Variants in NUBPL observed in about 807,000 individuals in gnomAD.
NUBPL encodes NUBP iron-sulfur cluster assembly factor, mitochondrial, also known as iron-sulfur cluster transfer protein NUBPL.
In NUBPL, 31 loss-of-function variants were observed where a neutral mutation model predicts 45.7. The observed-to-expected ratio is 0.68, with a 90% CI of 0.51 to 0.92. The LOEUF (loss-of-function observed/expected upper bound fraction) is 0.92, where lower values mean the gene tolerates loss of function less well. Among genes scored for constraint, NUBPL ranks in the 40% least tolerant of loss-of-function variants. NUBPL has a pLI of 0.00. For synonymous variants in NUBPL, 144 were observed against 140.9 expected (o/e 1.02, Z -0.15); for missense variants, 401 against 398.7 (o/e 1.01, Z -0.05).
chr14:31,619,118 T>G (rs2034990763), intron 4 of NUBPL, among the ~76,000 whole-genome samples: 1 of 152,204 alleles, frequency 6.6e-6, no homozygotes, highest in Non-Finnish European at 1.5e-5. Context: ...ATGCTATTTT[T>G]TTGCTTTCCA....
intron 3 of NUBPL, chr14:31,577,929 A>G (rs2033758500): frequency 1.6e-6 from 2 of 1,283,372 alleles, no homozygotes; most frequent in Non-Finnish European, 2.0e-6. Context: ...TGTTTATCTC[A>G]TGCCATTAGA....
chr14:31,775,332 C>T (rs1361715946), intron 6 of NUBPL, among the ~76,000 whole-genome samples: 2 of 152,100 alleles, frequency 1.3e-5, no homozygotes, highest in Non-Finnish European at 2.9e-5. Flanking sequence ...GCAGGAGACT[C>T]GCTTCAACCT....
At chr14:31,685,490 G>A (rs1261993205) in intron 6 of NUBPL, among the ~76,000 whole-genome samples, 1 of 151,776 alleles carries the variant, frequency 6.6e-6, no homozygotes, top group Non-Finnish European at 1.5e-5. Context: ...AAGGAGGAGT[G>A]GTATATTAAA....
At chr14:31,686,038 G>A (rs1319079827) in intron 6 of NUBPL, among the ~76,000 whole-genome samples, 1 of 152,092 alleles carries the variant, frequency 6.6e-6, no homozygotes, top group Non-Finnish European at 1.5e-5. Flanking sequence ...CTTTTTAACT[G>A]CTTTCAGAGG....
intron 6 of NUBPL, among the ~76,000 whole-genome samples, chr14:31,734,616 C>G (rs941319938): frequency 6.6e-6 from 1 of 152,052 alleles, no homozygotes; most frequent in Non-Finnish European, 1.5e-5. Flanking sequence ...TAAGTTTCTT[C>G]TACTTTCTCA....
intron 8 of NUBPL, among the ~76,000 whole-genome samples, chr14:31,827,006 A>G (rs1313207712): frequency 6.6e-6 from 1 of 152,218 alleles, no homozygotes; most frequent in Admixed American, 6.5e-5. Flanking sequence ...AGAGTGTTTT[A>G]GGAAATTATT....
At chr14:31,584,071 G>A (rs1352349919) in intron 3 of NUBPL, among the ~76,000 whole-genome samples, 3 of 152,012 alleles carry the variant, frequency 2.0e-5, no homozygotes, top group Non-Finnish European at 4.4e-5. Context: ...AGCCTTTACC[G>A]TTTTACCTAC....
intron 3 of NUBPL, chr14:31,577,888 G>C: frequency 8.9e-7 from 1 of 1,123,842 alleles, no homozygotes; most frequent in South Asian, 1.4e-5. Context: ...GTGGTTTCAA[G>C]TAATGTCATT....
At position 31,832,965 on chromosome 14, in the gene NUBPL, T is replaced by A. The variant is rs113635877; in HGVS notation, c.693+6251T>A. ...AGCACTCAATGTTTACATAATGTTA[T>A]ATAATTAATTTTTTCTTGTAATTAC... On this transcript the variant is annotated intron_variant, in intron 8 of 10. Transcript: ENST00000281081. Among the ~76,000 whole-genome samples, 20 of 152,362 alleles carry A rather than the reference T, an allele frequency of 1.3e-4. 1 individual carries two copies. The highest frequency in any genetic ancestry group is 4.8e-4 in the African/African-American group (20 of 41,588).
At chr14:31,807,619 T>G (rs983404804) in intron 7 of NUBPL, among the ~76,000 whole-genome samples, 2 of 151,576 alleles carry the variant, frequency 1.3e-5, no homozygotes, top group African/African-American at 4.9e-5. Flanking sequence ...AGAAGCTCTT[T>G]AGTTTAATTA....
intron 6 of NUBPL, among the ~76,000 whole-genome samples, chr14:31,763,681 G>A (rs1273633036): frequency 6.6e-6 from 1 of 152,148 alleles, no homozygotes; most frequent in African/African-American, 2.4e-5. Context: ...CTGATGAAAA[G>A]TAGCTTGGTC....
chr14:31,667,177 C>G (rs550323270), intron 4 of NUBPL, among the ~76,000 whole-genome samples: 1 of 152,132 alleles, frequency 6.6e-6, no homozygotes, highest in East Asian at 1.9e-4. Context: ...TCATCACTTT[C>G]AGGTACACCA....
chr14:31,764,635 A>C (rs2038877642), intron 6 of NUBPL, among the ~76,000 whole-genome samples: 1 of 152,224 alleles, frequency 6.6e-6, no homozygotes, highest in South Asian at 2.1e-4. Context: ...TCATCAGGGC[A>C]GAAGATTATT....
intron 4 of NUBPL, among the ~76,000 whole-genome samples, chr14:31,672,049 T>C (rs559999912): frequency 2.0e-5 from 3 of 152,324 alleles, no homozygotes; most frequent in Admixed American, 2.0e-4. Flanking sequence ...GCATAGATAG[T>C]TTGATAAAAC....
intron 6 of NUBPL, among the ~76,000 whole-genome samples, chr14:31,717,541 C>T (rs1019423878): frequency 1.3e-5 from 2 of 152,186 alleles, no homozygotes; most frequent in African/African-American, 4.8e-5. Context: ...AGAAATTCTT[C>T]TCTTCACTTT....
At chr14:31,730,724 C>G (rs1196036308) in intron 6 of NUBPL, among the ~76,000 whole-genome samples, 1 of 152,132 alleles carries the variant, frequency 6.6e-6, no homozygotes, top group East Asian at 1.9e-4. Flanking sequence ...CCTTGGCCTC[C>G]CAAAGTGCTG....
At chr14:31,677,254 C>T (rs1009851056) in intron 6 of NUBPL, among the ~76,000 whole-genome samples, 2 of 152,052 alleles carry the variant, frequency 1.3e-5, no homozygotes, top group African/African-American at 2.4e-5. Flanking sequence ...CTACAGTCAC[C>T]GTGTTGTGCT....
chr14:31,761,095 G>A (rs933673481), intron 6 of NUBPL, among the ~76,000 whole-genome samples: 1 of 152,136 alleles, frequency 6.6e-6, no homozygotes, highest in African/African-American at 2.4e-5. Flanking sequence ...TTTAAAAGAG[G>A]TGTGTGAAAA....
chr14:31,664,129 G>A (rs924565683), intron 4 of NUBPL, among the ~76,000 whole-genome samples: 3 of 152,184 alleles, frequency 2.0e-5, no homozygotes, highest in Non-Finnish European at 4.4e-5. Context: ...AGCTTAAGGA[G>A]TTTTTGGACT....
Sources: gnomAD v4.1 joint callset for allele counts (sites outside exome capture counted in the v4.1 genomes callset) on GRCh38, gnomAD v4.1.1 for gene constraint, MANE v1.5 for transcripts, NCBI Gene and HGNC (gene_info 2026-07-23, HGNC 2026-07-21) for gene names.